The following IPO9 variants were observed in gnomAD, a reference collection of about 807,000 sequenced individuals.
The protein encoded by IPO9 is importin 9.
A neutral mutation model predicts 128.6 loss-of-function variants in IPO9; 28 were observed. That is an observed-to-expected ratio of 0.22 (90% CI 0.16 to 0.30). The LOEUF is 0.30. Ranked by LOEUF, IPO9 falls within the 10% of genes least tolerant of loss-of-function variation. IPO9 has a pLI of 1.00. For missense variants in IPO9, 935 were observed against 1,293.9 expected (o/e 0.72, Z 4.26); for synonymous variants, 455 against 475.8 (o/e 0.96, Z 0.57).
intron 22 of IPO9, 52 bp from the exon 23 acceptor site, chr1:201,875,100 C>A: frequency 6.5e-7 from 1 of 1,530,442 alleles, no homozygotes; most frequent in Non-Finnish European, 9.1e-7. Context: ...CCACTCAGGG[C>A]CTGATCATGG....
Position 201,858,947 on chromosome 1 carries a change from T to C in IPO9, c.1421T>C (p.Met474Thr), listed in dbSNP as rs373556631. 1.1e-4 allele frequency: 174 copies of C among 1,612,766 alleles called. No homozygotes were observed. The highest frequency in any genetic ancestry group is 1.4e-4 in the Non-Finnish European group (163 of 1,179,096). ...AAAAATGGCAGGATTCATTTTGACA[T>C]GCATGGGTTCCTGACCAATGTCATC... Reference protein sequence around the residue: ...SVKNGRIHFDMHGFLTNVILA... With the variant: ...SVKNGRIHFDTHGFLTNVILA... Residue 474 changes from methionine (M) to threonine (T), a missense_variant, in exon 13 of 24, where the codon ATG (methionine) becomes ACG (threonine). By Grantham distance (81) the Met-to-Thr change is moderately conservative (BLOSUM62 -1). Coordinates refer to ENST00000361565, the MANE Select transcript of IPO9 (RefSeq NM_018085.5).
At chr1:201,864,476 C>T (rs1331502874) in intron 14 of IPO9, among the ~76,000 whole-genome samples, 1 of 152,170 alleles carries the variant, frequency 6.6e-6, no homozygotes, top group African/African-American at 2.4e-5. Flanking sequence ...CCCTAAGCTG[C>T]TTAAGGCATG....
intron 13 of IPO9, among the ~76,000 whole-genome samples, 200 bp downstream of exon 13, chr1:201,859,194 TATATATATATATAA>T (rs1471729539): frequency 1.4e-5 from 2 of 138,944 alleles, no homozygotes; most frequent in Non-Finnish European, 3.1e-5. Flanking sequence ...TATATATATA[TATATATATATATAA>T]AGGAAACTCT....
At chr1:201,866,642 A>T in intron 14 of IPO9, 91 bp from the exon 15 acceptor site, 1 of 941,116 alleles carries the variant, frequency 1.1e-6, no homozygotes, top group Non-Finnish European at 1.7e-6. Context: ...TTATAAAGCT[A>T]CACATACAAA....
intron 4 of IPO9, among the ~76,000 whole-genome samples, chr1:201,848,838 G>A (rs1680166719): frequency 6.6e-6 from 1 of 152,084 alleles, no homozygotes; most frequent in Admixed American, 6.5e-5. Flanking sequence ...GCATAGTGAT[G>A]GAGTATTCAG....
intron 1 of IPO9, among the ~76,000 whole-genome samples, chr1:201,835,440 G>A (rs1434963192): frequency 1.3e-5 from 2 of 152,224 alleles, no homozygotes; most frequent in African/African-American, 4.8e-5. Context: ...ATGAAAGAGG[G>A]CAGAGGATTT....
chr1:201,836,604 G>A (rs540580799), intron 1 of IPO9, among the ~76,000 whole-genome samples: 4 of 149,400 alleles, frequency 2.7e-5, no homozygotes, highest in African/African-American at 9.9e-5. Flanking sequence ...ATACTCCTTG[G>A]AAACAATTAT....
intron 9 of IPO9, 149 bp from the exon 10 acceptor site, chr1:201,855,634 G>C (rs886709718): frequency 4.4e-6 from 3 of 685,426 alleles, no homozygotes; most frequent in Non-Finnish European, 2.4e-6. Flanking sequence ...TGTGACCTCT[G>C]AGCCCTCTCT....
intron 1 of IPO9, among the ~76,000 whole-genome samples, chr1:201,831,626 C>T (rs1679833868): frequency 6.6e-6 from 1 of 152,188 alleles, no homozygotes; most frequent in Non-Finnish European, 1.5e-5. Flanking sequence ...GTACCTCCCA[C>T]CTTAAACTCT....
At chr1:201,857,965 C>A (rs1680365409) in intron 11 of IPO9, among the ~76,000 whole-genome samples, 1 of 152,204 alleles carries the variant, frequency 6.6e-6, no homozygotes, top group Non-Finnish European at 1.5e-5. Flanking sequence ...AGAGTTGTCT[C>A]TAGGCTGAAA....
chr1:201,847,760 G>T (rs1680147278), intron 3 of IPO9, 122 bp downstream of exon 3: 1 of 720,036 alleles, frequency 1.4e-6, no homozygotes, highest in Non-Finnish European at 2.4e-6. Context: ...GGAGATTGGT[G>T]GCTGGCATTG....
At position 201,870,342 on chromosome 1, in the gene IPO9, A is replaced by G. The variant is rs952769350; in HGVS notation, c.2134-241A>G. On this transcript the variant is annotated intron_variant, in intron 17 of 23. Coordinates refer to ENST00000361565, the MANE Select transcript of IPO9 (RefSeq NM_018085.5). This position sits in a 1 kb window ranked among gnomAD's most constrained non-coding sequence, Gnocchi z 4.9. The stretch of plus-strand genomic sequence containing the variant: ...TGCTTGGCCATTGTCCCTTGTGATT[A>G]AAAAAATATATATACACATTTGTGA... Among the ~76,000 whole-genome samples the G allele has an allele frequency of 1.2e-4, 18 of 152,184 alleles. No homozygotes were observed. The highest frequency in any genetic ancestry group is 2.9e-5 in the Non-Finnish European group (2 of 68,036).
intron 1 of IPO9, among the ~76,000 whole-genome samples, chr1:201,836,540 C>G (rs1438203165): frequency 6.6e-6 from 1 of 152,150 alleles, no homozygotes; most frequent in Non-Finnish European, 1.5e-5. Context: ...TGTGCATCAC[C>G]ACACCCAGCT....
rs1018348591 is a variant in IPO9 at position 201,871,056 on chromosome 1, A to T, written c.2410-105A>T. 7 of 1,285,712 alleles carry T rather than the reference A, an allele frequency of 5.4e-6. No individual in the cohort carries two copies. In the African/African-American group the frequency reaches 8.9e-5, roughly 16 times the overall value. The allele number at this position is 1,285,712 out of a possible 1,614,324, so 79.6% of individuals were successfully genotyped here. On this transcript the variant is annotated intron_variant, in intron 18 of 23. Transcript: ENST00000361565. ...CATGTTTTCTTGTCCTGTGGATAAT[A>T]CCCTCAGTGTAGACTGTATTTCTTA...
intron 6 of IPO9, among the ~76,000 whole-genome samples, chr1:201,854,336 T>G (rs1419459015): frequency 6.6e-6 from 1 of 152,218 alleles, no homozygotes; most frequent in Admixed American, 6.5e-5. Context: ...CCAATCCCTG[T>G]GATTCAGAAG....
intron 1 of IPO9, among the ~76,000 whole-genome samples, chr1:201,830,657 C>A (rs192691280): frequency 6.6e-6 from 1 of 152,114 alleles, no homozygotes; most frequent in Non-Finnish European, 1.5e-5. Context: ...AAATAAAATT[C>A]GTTTATGCAC....
chr1:201,829,543 G>C (rs1053863941), intron 1 of IPO9, 171 bp downstream of exon 1: 2 of 539,782 alleles, frequency 3.7e-6, no homozygotes, highest in African/African-American at 4.0e-5. Flanking sequence ...GTCCGAGAGA[G>C]GAGAGGCGCG....
At chr1:201,874,421 T>C in intron 21 of IPO9, 49 bp downstream of exon 21, 1 of 1,561,642 alleles carries the variant, frequency 6.4e-7, no homozygotes. Context: ...GCAGATCAAG[T>C]TACAAATTGT....
At chr1:201,868,227 T>C (rs1468867638) in intron 15 of IPO9, among the ~76,000 whole-genome samples, 2 of 152,268 alleles carry the variant, frequency 1.3e-5, no homozygotes, top group African/African-American at 4.8e-5. Context: ...ATAGGAGATA[T>C]GTATGATTTC....
Sources: gnomAD v4.1 joint callset for allele counts (sites outside exome capture counted in the v4.1 genomes callset) on GRCh38, gnomAD v4.1.1 for gene constraint, Gnocchi (gnomAD v3.1) non-coding constraint, MANE v1.5 for transcripts, NCBI Gene and HGNC (gene_info 2026-07-23, HGNC 2026-07-21) for gene names.